Variants in TMIGD3 observed in about 807,000 individuals in gnomAD.
The protein encoded by TMIGD3 is transmembrane and immunoglobulin domain containing 3, also known as AD026 protein (AD026).
A neutral mutation model predicts 28.1 loss-of-function variants in TMIGD3; 21 were observed. The ratio of observed to expected loss-of-function variants is 0.75; its 90% CI spans 0.53 to 1.08. The LOEUF is 1.08. Ranked by LOEUF, TMIGD3 falls within the 50% of genes least tolerant of loss-of-function variation. TMIGD3 has a pLI of 0.00. For synonymous variants in TMIGD3, 151 were observed against 162.1 expected (o/e 0.93, Z 0.52); for missense variants, 416 against 435.6 (o/e 0.96, Z 0.40).
chr1:111,552,239 G>A (rs1657290549), intron 1 of TMIGD3, among the ~76,000 whole-genome samples: 1 of 152,150 alleles, frequency 6.6e-6, no homozygotes, highest in African/African-American at 2.4e-5. Context: ...ATTTCCAAAT[G>A]ACGACATTCA....
At chr1:111,505,866 A>G (rs1046200315), upstream of TMIGD3, among the ~76,000 whole-genome samples, 3 of 152,116 alleles carry the variant, frequency 2.0e-5, no homozygotes, top group East Asian at 1.9e-4. Flanking sequence ...GACTCCTTAG[A>G]GTGGCTTATA....
intron 1 of TMIGD3, among the ~76,000 whole-genome samples, chr1:111,502,329 TAC>T (rs1311702094): frequency 3.2e-4 from 29 of 89,376 alleles, no homozygotes; most frequent in East Asian, 1.3e-3. Flanking sequence ...ATATATAGGA[TAC>T]ATATATTTAT....
intron 1 of TMIGD3, among the ~76,000 whole-genome samples, chr1:111,554,109 G>C (rs1461672171): frequency 6.6e-6 from 1 of 152,160 alleles, no homozygotes; most frequent in Non-Finnish European, 1.5e-5. Context: ...GTGGCCTTGG[G>C]CTTATTACTT....
chr1:111,488,234 T>C (rs1654478982), intron 3 of TMIGD3, among the ~76,000 whole-genome samples: 1 of 150,914 alleles, frequency 6.6e-6, no homozygotes, highest in South Asian at 2.1e-4. Context: ...AGACTTTTTT[T>C]TTTTTTGAGA....
At chr1:111,504,023 G>A, upstream of TMIGD3, 1 of 985,420 alleles carries the variant, frequency 1.0e-6, no homozygotes. Flanking sequence ...AGACTTTGGT[G>A]GCAGCCTCCT....
At chr1:111,540,239 G>A (rs1367771446) in intron 1 of TMIGD3, among the ~76,000 whole-genome samples, 1 of 152,216 alleles carries the variant, frequency 6.6e-6, no homozygotes, top group Non-Finnish European at 1.5e-5. Context: ...GTTCTGCAAG[G>A]TGGAAGTGAA....
Position 111,483,553 on chromosome 1 carries a change from T to G in TMIGD3, c.*134A>C. 1 of 791,264 alleles carries G rather than the reference T, an allele frequency of 1.3e-6. No homozygotes were observed. The highest frequency in any genetic ancestry group is 2.2e-5 in the Admixed American group (1 of 44,826). The allele number at this position is 791,264 out of a possible 1,614,324, so 49.0% of individuals were successfully genotyped here. ...ACCGCCGTTGCTACCTGGCTGCAAA[T>G]GATTGTTGTCAAGGATAGAGGGTCC... On this transcript the variant is annotated 3_prime_UTR_variant, in exon 6 of 6. Transcript: ENST00000369716.
At chr1:111,540,868 A>G (rs763375560) in intron 1 of TMIGD3, among the ~76,000 whole-genome samples, 1 of 152,190 alleles carries the variant, frequency 6.6e-6, no homozygotes, top group Admixed American at 6.5e-5. Flanking sequence ...CCTGTTTCCA[A>G]TGGTTAAGAG....
At chr1:111,508,824 C>T (rs182977216) in intron 1 of TMIGD3, among the ~76,000 whole-genome samples, 1 of 152,350 alleles carries the variant, frequency 6.6e-6, no homozygotes, top group Non-Finnish European at 1.5e-5. Context: ...CCGCCAGGCG[C>T]GGTGGCTCAT....
chr1:111,545,139 C>A (rs556211470), intron 1 of TMIGD3, among the ~76,000 whole-genome samples: 4 of 151,914 alleles, frequency 2.6e-5, no homozygotes, highest in Non-Finnish European at 5.9e-5. Flanking sequence ...TGGGTATATA[C>A]CAAGAAGCAG....
intron 1 of TMIGD3, among the ~76,000 whole-genome samples, chr1:111,531,798 TG>T (rs1557838442): frequency 6.6e-6 from 1 of 152,210 alleles, no homozygotes; most frequent in Non-Finnish European, 1.5e-5. Context: ...GCGATCCTAC[TG>T]CTTCTGCCTC....
chr1:111,563,821 AG>A, intron 1 of TMIGD3: 1 of 1,590,186 alleles, frequency 6.3e-7, no homozygotes, highest in Non-Finnish European at 8.6e-7. Flanking sequence ...GCCTCCCAGC[AG>A]CTATATTTTC....
intron 1 of TMIGD3, among the ~76,000 whole-genome samples, chr1:111,563,226 G>A (rs911619372): frequency 6.6e-6 from 1 of 152,080 alleles, no homozygotes; most frequent in Non-Finnish European, 1.5e-5. Flanking sequence ...GATGAGCCAT[G>A]ATTAGCACCA....
Position 111,488,808 on chromosome 1 carries a change from A to C in TMIGD3, c.674T>G (p.Leu225Arg), listed in dbSNP as rs1654511870. The change falls in exon 3 of 6, where the codon CTG (leucine) becomes CGG (arginine). Residue 225 changes from leucine to arginine, a missense_variant. Transcript: ENST00000369716. ...GTACCAGCCCGTGTCCTCTTTGGTC[A>C]GGCAGGACATAGTGACAATGAGCTG... is the stretch of plus-strand genomic sequence containing the variant. ...GNQLIVTMSC[L>R]TKEDTGWYWC... 1 of 1,614,110 alleles carries C rather than the reference A, an allele frequency of 6.2e-7. No homozygotes were observed. Among genetic ancestry groups the C allele is most frequent in the African/African-American group, 1.3e-5 (1 of 74,918 alleles).
intron 1 of TMIGD3, among the ~76,000 whole-genome samples, chr1:111,533,245 C>G (rs1478243789): frequency 6.6e-6 from 1 of 152,186 alleles, no homozygotes; most frequent in Non-Finnish European, 1.5e-5. Context: ...GTTATTGAAG[C>G]TGACAGTGTT....
At chr1:111,534,588 A>G (rs145408040) in intron 1 of TMIGD3, among the ~76,000 whole-genome samples, 1 of 152,328 alleles carries the variant, frequency 6.6e-6, no homozygotes, top group Admixed American at 6.5e-5. Context: ...AGGCCCTTTG[A>G]AAAGAAGTCA....
At chr1:111,546,902 A>G (rs1212989866) in intron 1 of TMIGD3, among the ~76,000 whole-genome samples, 1 of 152,162 alleles carries the variant, frequency 6.6e-6, no homozygotes, top group African/African-American at 2.4e-5. Flanking sequence ...TTCCCAAGGA[A>G]TTTAATTTCT....
At chr1:111,518,310 A>C (rs1351933097) in intron 1 of TMIGD3, among the ~76,000 whole-genome samples, 1 of 152,218 alleles carries the variant, frequency 6.6e-6, no homozygotes, top group Non-Finnish European at 1.5e-5. Flanking sequence ...TAAGCCAGAC[A>C]CTTTGCATAC....
At chr1:111,540,899 G>C (rs1216168285) in intron 1 of TMIGD3, among the ~76,000 whole-genome samples, 2 of 152,204 alleles carry the variant, frequency 1.3e-5, no homozygotes, top group African/African-American at 2.4e-5. Flanking sequence ...TTATGCAGTG[G>C]CAAACAGTTA....
Sources: gnomAD v4.1 joint callset for allele counts (sites outside exome capture counted in the v4.1 genomes callset) on GRCh38, gnomAD v4.1.1 for gene constraint, MANE v1.5 for transcripts, NCBI Gene and HGNC (gene_info 2026-07-23, HGNC 2026-07-21) for gene names.